ZNF320: variants seen among roughly 807,000 people sequenced by gnomAD.
ZNF320 encodes zinc finger protein 320, also known as zinc finger gene 320.
In ZNF320, 2 loss-of-function variants were observed where a neutral mutation model predicts 6.8. That is an observed-to-expected ratio of 0.29 (90% CI 0.12 to 0.93). ZNF320 has a LOEUF of 0.93. Among genes scored for constraint, ZNF320 ranks in the 40% least tolerant of loss-of-function variants. The pLI, the probability that ZNF320 is intolerant of heterozygous loss-of-function variation, is 0.55. For synonymous variants in ZNF320, 208 were observed against 203.2 expected (o/e 1.02, Z -0.20); for missense variants, 472 against 611.0 (o/e 0.77, Z 2.40).
chr19:52,868,863 A>G (rs1022666581), intron 5 of ZNF320, among the ~76,000 whole-genome samples: 4 of 152,198 alleles, frequency 2.6e-5, no homozygotes, highest in African/African-American at 2.4e-5. Flanking sequence ...CCCTGCACAC[A>G]CTGATTTAGG....
At chr19:52,882,004 T>A in intron 5 of ZNF320, 21 bp from the exon 6 acceptor site, 1 of 1,592,684 alleles carries the variant, frequency 6.3e-7, no homozygotes, top group East Asian at 2.2e-5. Context: ...TAAACACCAA[T>A]AGGTTTCCAA....
At chr19:52,860,207 T>C (rs550987080), downstream of ZNF320, among the ~76,000 whole-genome samples, 11 of 152,278 alleles carry the variant, frequency 7.2e-5, no homozygotes, top group Middle Eastern at 3.4e-3. Flanking sequence ...CCACTGCACC[T>C]GGCCTGTTTT....
upstream of ZNF320, among the ~76,000 whole-genome samples, chr19:52,898,195 C>T (rs1047673855): frequency 2.0e-5 from 3 of 152,214 alleles, no homozygotes; most frequent in African/African-American, 7.2e-5. Context: ...AAATCCTCTC[C>T]CTTTCTATTT....
downstream of ZNF320, chr19:52,874,046 A>C (rs751865514): frequency 4.5e-6 from 2 of 448,376 alleles, no homozygotes; most frequent in African/African-American, 2.1e-5. Context: ...GTCTTCCTCA[A>C]GTAACATAAG....
Position 52,881,124 on chromosome 19 carries a change from G to A in ZNF320, c.1002C>T (p.Cys334=), listed in dbSNP as rs756372350. Residue 334 remains cysteine, a synonymous_variant, in exon 6 of 6, where the codon TGC becomes TGT. Transcript: ENST00000682928. The part of the protein sequence containing the change: ...TGEKPYRCEE[C]DKVFSRKSHL... ...GTGATTTGCGACTGAAAACTTTGTC[G>A]CATTCTTCACATCTGTAAGGTTTCT... 19 of 1,613,116 alleles carry A rather than the reference G, an allele frequency of 1.2e-5. No individual in the cohort carries two copies. Among genetic ancestry groups the A allele is most frequent in the Admixed American group, 1.0e-4 (6 of 59,928 alleles).
chr19:52,889,989 C>A (rs537067371), intron 4 of ZNF320, among the ~76,000 whole-genome samples: 2 of 152,292 alleles, frequency 1.3e-5, no homozygotes, highest in South Asian at 4.1e-4. Flanking sequence ...GGGACCCTCA[C>A]CCCGTCTCCA....
chr19:52,863,060 A>G (rs2063494929), exon 6 of ZNF320, among the ~76,000 whole-genome samples: 1 of 152,228 alleles, frequency 6.6e-6, no homozygotes, highest in African/African-American at 2.4e-5. Context: ...CCTGGGCTCA[A>G]GCGATTCTCC....
At chr19:52,863,804 G>A (rs185179584) in exon 6 of ZNF320, 35 of 192,126 alleles carry the variant, frequency 1.8e-4, no homozygotes, top group Admixed American at 8.1e-4. Context: ...AGGCCGAGGC[G>A]GGTGGGTATG....
At chr19:52,898,600 G>A (rs535793374), upstream of ZNF320, among the ~76,000 whole-genome samples, 1 of 152,340 alleles carries the variant, frequency 6.6e-6, no homozygotes, top group African/African-American at 2.4e-5. Context: ...AGCTGGGAGC[G>A]TCAGCAATCT....
upstream of ZNF320, among the ~76,000 whole-genome samples, chr19:52,899,938 T>C (rs1416156109): frequency 6.6e-6 from 1 of 152,234 alleles, no homozygotes; most frequent in East Asian, 1.9e-4. Context: ...TACAGTATTA[T>C]ATAATTCTTT....
the ZNF320 span, chr19:52,904,318 G>C: frequency 2.0e-5 from 3 of 152,274 alleles, no homozygotes; most frequent in Admixed American, 6.5e-5. Context: ...GCCACCTAAA[G>C]GGCTGCCTCG....
intron 4 of ZNF320, among the ~76,000 whole-genome samples, chr19:52,889,014 T>C (rs2064199223): frequency 6.6e-6 from 1 of 151,740 alleles, no homozygotes; most frequent in Non-Finnish European, 1.5e-5. Flanking sequence ...TGAAACCACA[T>C]CTTAACTAAA....
At chr19:52,862,203 C>G (rs753064866) in exon 6 of ZNF320, 24 of 482,484 alleles carry the variant, frequency 5.0e-5, no homozygotes, top group Admixed American at 9.5e-5. Flanking sequence ...CCATGGATTG[C>G]CTGATGGATG....
Position 52,880,830 on chromosome 19 carries a change from CCTATGT to C in ZNF320, c.1290_1295del (p.His431_Arg432del). On this transcript the variant is annotated inframe_deletion, in exon 6 of 6. Transcript: ENST00000682928. Reference sequence around the variant, plus strand: ...GAGGTTTCTCTCCTGTATGAATCCTCCTATGTCTTTCAAGGTGTGATTTGCGAATGT... The same window carrying C: ...GAGGTTTCTCTCCTGTATGAATCCTCCTTTCAAGGTGTGATTTGCGAATGT... 6.2e-7 allele frequency: 1 copy of C among 1,613,962 alleles called. No individual in the cohort carries two copies. Among genetic ancestry groups the C allele is most frequent in the Non-Finnish European group, 8.5e-7 (1 of 1,179,868 alleles).
At chr19:52,867,185 A>T (rs1469450) in intron 5 of ZNF320, among the ~76,000 whole-genome samples, 48,278 of 150,362 alleles carry the variant, frequency 0.32, 7,892 homozygotes, top group African/African-American at 0.37. Flanking sequence ...TTAATTAATT[A>T]ATTAATTTAT....
chr19:52,890,464 C>T (rs1482500084), intron 3 of ZNF320, 136 bp from the exon 4 acceptor site: 1 of 717,276 alleles, frequency 1.4e-6, no homozygotes, highest in Non-Finnish European at 2.2e-6. Context: ...GGATGATAAA[C>T]TCCTACAGGA....
At chr19:52,875,418 G>A (rs2063748646), downstream of ZNF320, among the ~76,000 whole-genome samples, 3 of 152,182 alleles carry the variant, frequency 2.0e-5, no homozygotes, top group Non-Finnish European at 4.4e-5. Flanking sequence ...AGCAGTGGGT[G>A]TGGACAGAGA....
At chr19:52,867,181 AATTAATTAATTT>A (rs1568695458) in intron 5 of ZNF320, among the ~76,000 whole-genome samples, 2 of 151,488 alleles carry the variant, frequency 1.3e-5, no homozygotes, top group African/African-American at 4.9e-5. Flanking sequence ...TTAATTAATT[AATTAATTAATTT>A]ATTTATTTAT....
At chr19:52,884,445 G>A (rs1385561041) in intron 5 of ZNF320, among the ~76,000 whole-genome samples, 1 of 152,092 alleles carries the variant, frequency 6.6e-6, no homozygotes, top group South Asian at 2.1e-4. Context: ...AGCCTCCCAA[G>A]TAGCTGGGAT....
Sources: gnomAD v4.1 joint callset for allele counts (sites outside exome capture counted in the v4.1 genomes callset) on GRCh38, gnomAD v4.1.1 for gene constraint, MANE v1.5 for transcripts, NCBI Gene and HGNC (gene_info 2026-07-23, HGNC 2026-07-21) for gene names.